Variants in KANTR observed in about 807,000 individuals in gnomAD.
The protein encoded by KANTR is KDM5C adjacent transcript.
intron 2 of KANTR, among the ~76,000 whole-genome samples, chrX:53,102,331 A>C (rs1443848616): frequency 8.9e-6 from 1 of 112,133 alleles, no homozygotes; most frequent in Non-Finnish European, 1.9e-5. Context: ...CTCCCACATT[A>C]CATTTAGTTA....
chrX:53,142,958 A>G, downstream of KANTR: 1 of 910,192 alleles, frequency 1.1e-6, no homozygotes, highest in Non-Finnish European at 1.6e-6. Context: ...GGCATGATGA[A>G]CTTGATCTTC....
At chrX:53,143,987 G>T, downstream of KANTR, 1 of 244,389 alleles carries the variant, frequency 4.1e-6, no homozygotes. Context: ...GCAAGTGACT[G>T]TATTACTGGA....
chrX:53,134,434 G>A (rs981572907), intron 2 of KANTR, among the ~76,000 whole-genome samples: 9 of 111,333 alleles, frequency 8.1e-5, no homozygotes, highest in African/African-American at 1.6e-4. Flanking sequence ...GGTTTCTTCT[G>A]GGCAGGGGAA....
chrX:53,113,489 CTCT>C (rs1384638784), intron 2 of KANTR, among the ~76,000 whole-genome samples: 1 of 108,014 alleles, frequency 9.3e-6, no homozygotes, highest in East Asian at 2.9e-4. Context: ...CTTCATACGT[CTCT>C]TCTTTGTAGG....
At chrX:53,139,729 G>C (rs781916855) in intron 2 of KANTR, among the ~76,000 whole-genome samples, 6 of 111,761 alleles carry the variant, frequency 5.4e-5, no homozygotes, top group African/African-American at 2.0e-4. Context: ...GGGAGGCTAA[G>C]GTGGGAGGAT....
downstream of KANTR, among the ~76,000 whole-genome samples, chrX:53,147,554 A>G (rs1203078017): frequency 9.0e-6 from 1 of 111,585 alleles, no homozygotes; most frequent in Non-Finnish European, 1.9e-5. Context: ...CATTAGACAG[A>G]TCAACGAGAC....
chrX:53,105,621 C>A lies in KANTR; in HGVS notation c.-805+6013C>A, dbSNP rs5978148. 6.1e-3 allele frequency among the ~76,000 whole-genome samples: 648 copies of A among 105,536 alleles called. 5 individuals are homozygous for A. Among genetic ancestry groups the A allele is most frequent in the African/African-American group, 0.021 (621 of 28,943 alleles). The allele number at this position is 105,536 out of a possible 115,157, so 91.6% of individuals were successfully genotyped here. On this transcript the variant is annotated intron_variant, in intron 2 of 2. Coordinates refer to ENST00000604062, the Ensembl canonical transcript of KANTR. ...TCTCCTGCCTCAGCCTCCTGAATAGCTGGGACTACAGGCACACAACGACAC... is the reference window on the plus strand; with the variant it reads ...TCTCCTGCCTCAGCCTCCTGAATAGATGGGACTACAGGCACACAACGACAC...
chrX:53,138,705 TAAAAAAAAA>T (rs781934985), intron 2 of KANTR, among the ~76,000 whole-genome samples: 3 of 92,605 alleles, frequency 3.2e-5, no homozygotes, highest in African/African-American at 1.2e-4. Flanking sequence ...AATTCTGTCT[TAAAAAAAAA>T]AAAAAGAAAT....
In KANTR at chrX:53,097,350, G is replaced by GTTTTTTTTTTTTTTTTTTTTT. The variant is rs781783647; in HGVS notation, c.-941-2102_-941-2101insTTTTTTTTTTTTTTTTTTTTT. ...ACAACCCTTTTTTCATTTGTTTTAA[G>GTTTTTTTTTTTTTTTTTTTTT]TTTTTTTTTTTTTTTTTTTTGAGAC... On this transcript the variant is annotated intron_variant, in intron 1 of 2. Transcript: ENST00000604062. Among the ~76,000 whole-genome samples the GTTTTTTTTTTTTTTTTTTTTT allele has an allele frequency of 5.9e-5, 4 of 67,978 alleles. 1 individual carries two copies. Among genetic ancestry groups the GTTTTTTTTTTTTTTTTTTTTT allele is most frequent in the African/African-American group, 1.6e-4 (3 of 19,007 alleles). 59.0% of individuals were successfully genotyped at this position (67,978 alleles called of 115,157 possible). A position where few individuals can be genotyped will look rare whatever the true frequency, so the allele number is the denominator to read the frequency against.
intron 1 of KANTR, chrX:53,094,701 C>T (rs1384597191): frequency 1.8e-5 from 2 of 111,925 alleles, no homozygotes; most frequent in African/African-American, 6.5e-5. Context: ...GCTATGAAAC[C>T]TTGAGCTATC....
chrX:53,118,053 C>T (rs948095795), intron 2 of KANTR, among the ~76,000 whole-genome samples: 1 of 112,115 alleles, frequency 8.9e-6, no homozygotes, highest in African/African-American at 3.2e-5. Flanking sequence ...TCCATTCATC[C>T]GTTGTTGGAC....
intron 1 of KANTR, 54 bp downstream of exon 1, chrX:53,094,338 G>T (rs1343660647): frequency 9.0e-6 from 1 of 111,557 alleles, no homozygotes; most frequent in East Asian, 2.8e-4. Flanking sequence ...GAAGAGGCCG[G>T]CCGAAGCGCG....
At chrX:53,115,241 C>T (rs1933104925) in intron 2 of KANTR, among the ~76,000 whole-genome samples, 1 of 112,536 alleles carries the variant, frequency 8.9e-6, no homozygotes, top group Non-Finnish European at 1.9e-5. Flanking sequence ...GGCCTGGAGC[C>T]TGGGACCACA....
At chrX:53,143,569 G>A, downstream of KANTR, 1 of 627,043 alleles carries the variant, frequency 1.6e-6, no homozygotes, top group Non-Finnish European at 2.7e-6. Context: ...TCTTTTCTCT[G>A]TTGGCCTTGG....
downstream of KANTR, among the ~76,000 whole-genome samples, chrX:53,128,356 G>A (rs185253226): frequency 9.0e-6 from 1 of 111,656 alleles, no homozygotes; most frequent in East Asian, 2.8e-4. Flanking sequence ...AACACTGGTA[G>A]GAAGAATAGA....
chrX:53,107,774 A>G lies in KANTR; in HGVS notation c.-805+8166A>G, dbSNP rs782784393. 3.7e-4 allele frequency among the ~76,000 whole-genome samples: 41 copies of G among 110,440 alleles called. 2 individuals carry two copies. The highest frequency in any genetic ancestry group is 1.3e-3 in the African/African-American group (37 of 29,517). On this transcript the variant is annotated intron_variant, in intron 2 of 2. Transcript: ENST00000604062. ...TCTCAGAGTCAGGGGTTTGTTTTCT[A>G]GAGACAAGGTCTTGCTCTGTTGCTC... is the stretch of plus-strand genomic sequence containing the variant.
At chrX:53,147,794 G>T (rs1933597702) in intron 3 of KANTR, among the ~76,000 whole-genome samples, 2 of 111,400 alleles carry the variant, frequency 1.8e-5, no homozygotes, top group African/African-American at 3.3e-5. Context: ...AATCAAACTA[G>T]AACTCAGGAT....
intron 2 of KANTR, among the ~76,000 whole-genome samples, chrX:53,136,394 A>G (rs781891883): frequency 1.9e-5 from 2 of 107,137 alleles, no homozygotes; most frequent in African/African-American, 6.8e-5. Context: ...GTAAACTACC[A>G]CGCCTGGCTG....
intron 2 of KANTR, among the ~76,000 whole-genome samples, chrX:53,139,297 A>G (rs1933470432): frequency 9.0e-6 from 1 of 111,469 alleles, no homozygotes; most frequent in Non-Finnish European, 1.9e-5. Flanking sequence ...TAATGTTAAT[A>G]GAAATTGTAG....
Sources: gnomAD v4.1 joint callset for allele counts (sites outside exome capture counted in the v4.1 genomes callset) on GRCh38, gnomAD v4.1.1 for gene constraint, MANE v1.5 for transcripts, NCBI Gene and HGNC (gene_info 2026-07-23, HGNC 2026-07-21) for gene names.